ANKS1A: variants seen among roughly 807,000 people sequenced by gnomAD.
ANKS1A encodes ankyrin repeat and SAM domain-containing protein 1A.
ANKS1A carries 55 observed loss-of-function variants against 120.3 expected under a neutral mutation model. That is an observed-to-expected ratio of 0.46 (90% CI 0.37 to 0.57). The LOEUF (loss-of-function observed/expected upper bound fraction) is 0.57. Ranked by LOEUF, ANKS1A falls within the 20% of genes least tolerant of loss-of-function variation. The pLI is 0.00. For missense variants in ANKS1A, 1,123 were observed against 1,480.3 expected, an observed-to-expected ratio of 0.76 and a Z score of 3.96; for synonymous variants, 590 against 604.7, an observed-to-expected ratio of 0.98 and a Z score of 0.36.
chr6:34,938,557 C>T (rs1769369950), intron 1 of ANKS1A, among the ~76,000 whole-genome samples: 1 of 152,220 alleles, frequency 6.6e-6, no homozygotes, highest in South Asian at 2.1e-4. Flanking sequence ...CCCCAAGAAG[C>T]CTATTTTGGT....
At chr6:34,900,646 CTG>C (rs1767302391) in intron 1 of ANKS1A, among the ~76,000 whole-genome samples, 1 of 152,108 alleles carries the variant, frequency 6.6e-6, no homozygotes, top group East Asian at 1.9e-4. Flanking sequence ...GGTGAGGAAA[CTG>C]AAACACAGAG....
At chr6:35,077,024 TG>T (rs1295433120) in intron 13 of ANKS1A, among the ~76,000 whole-genome samples, 1 of 152,162 alleles carries the variant, frequency 6.6e-6, no homozygotes, top group Non-Finnish European at 1.5e-5. Context: ...CGTGGAAAGA[TG>T]CTCATCCTCA....
At chr6:34,900,372 C>T (rs1767286794) in intron 1 of ANKS1A, among the ~76,000 whole-genome samples, 1 of 152,038 alleles carries the variant, frequency 6.6e-6, no homozygotes. Flanking sequence ...TTAATAGTTG[C>T]TTTTATACCA....
chr6:34,975,834 T>A (rs1771546935), intron 3 of ANKS1A, among the ~76,000 whole-genome samples: 1 of 151,864 alleles, frequency 6.6e-6, no homozygotes, highest in Admixed American at 6.6e-5. Context: ...CTTCTTGAGC[T>A]GATTCAAATC....
intron 13 of ANKS1A, among the ~76,000 whole-genome samples, chr6:35,062,253 C>T (rs950215943): frequency 2.6e-5 from 4 of 152,224 alleles, no homozygotes. Context: ...GAACGTCGAG[C>T]ACCCCTCGGG....
chr6:34,969,611 G>T (rs1280640435), intron 2 of ANKS1A, among the ~76,000 whole-genome samples: 1 of 152,176 alleles, frequency 6.6e-6, no homozygotes, highest in Non-Finnish European at 1.5e-5. Context: ...ATCACTAAAT[G>T]CTCTGAATAA....
In ANKS1A at chr6:34,989,247, A is replaced by G. The variant is rs759896448; in HGVS notation, c.1233A>G (p.Ala411=). 1.9e-6 allele frequency: 3 copies of G among 1,614,106 alleles called. No individual in the cohort carries two copies. The highest frequency in any genetic ancestry group is 2.5e-6 in the Non-Finnish European group (3 of 1,179,960). ...VRPRERPPPP[A]KPPPDEEEED... ...AGAGGGAACGTCCACCACCTCCAGC[A>G]AAGCCACCGCCCGATGAAGAGGAAG... Residue 411 remains alanine, a synonymous_variant, in exon 9 of 24, where the codon GCA becomes GCG. Transcript: ENST00000360359.
chr6:34,902,239 C>CT (rs1183923739), intron 1 of ANKS1A, among the ~76,000 whole-genome samples: 3 of 151,870 alleles, frequency 2.0e-5, no homozygotes, highest in Non-Finnish European at 4.4e-5. Flanking sequence ...TTAAGTTTTT[C>CT]TTTTTTGTTT....
chr6:34,945,006 G>A (rs745961854), intron 1 of ANKS1A, among the ~76,000 whole-genome samples: 16 of 152,016 alleles, frequency 1.1e-4, no homozygotes, highest in Non-Finnish European at 1.9e-4. Context: ...AGTTCACCTA[G>A]GTTTTCTCCT....
At position 35,088,983 on chromosome 6, in the gene ANKS1A, CA is replaced by C; in HGVS notation, c.*375del. ...AGACAAATGGCCATGGGGCAGAGGA[CA>C]GGGGAGCTGAGGTTGGTTCAGAGGC... On this transcript the variant is annotated 3_prime_UTR_variant, in exon 24 of 24. Transcript: ENST00000360359. 2 of 1,199,386 alleles carry C rather than the reference CA, an allele frequency of 1.7e-6. No individual in the cohort carries two copies. Among genetic ancestry groups the C allele is most frequent in the Non-Finnish European group, 2.1e-6 (2 of 954,322 alleles). The allele number at this position is 1,199,386 out of a possible 1,614,324, so 74.3% of individuals were successfully genotyped here.
chr6:35,063,209 C>T (rs957650952), intron 13 of ANKS1A, among the ~76,000 whole-genome samples: 9 of 152,358 alleles, frequency 5.9e-5, no homozygotes, highest in Admixed American at 5.9e-4. Flanking sequence ...CACACATCTG[C>T]CAGCCAGCCA....
chr6:34,973,410 A>C (rs1302930715), intron 3 of ANKS1A, among the ~76,000 whole-genome samples: 1 of 152,208 alleles, frequency 6.6e-6, no homozygotes, highest in East Asian at 1.9e-4. Context: ...TCTGCCCCTC[A>C]GCCTTTACCA....
intron 1 of ANKS1A, among the ~76,000 whole-genome samples, chr6:34,899,224 T>A (rs1767233725): frequency 6.6e-6 from 1 of 152,242 alleles, no homozygotes; most frequent in African/African-American, 2.4e-5. Context: ...GTAACCTTTG[T>A]GCAAGCCCAG....
chr6:34,977,871 TAA>T (rs1427050454), intron 3 of ANKS1A, among the ~76,000 whole-genome samples: 2 of 152,102 alleles, frequency 1.3e-5, no homozygotes, highest in East Asian at 1.9e-4. Flanking sequence ...CAACAAGGGG[TAA>T]GTGTGCAGTT....
chr6:34,919,225 A>G (rs372701322), intron 1 of ANKS1A, among the ~76,000 whole-genome samples: 7 of 152,332 alleles, frequency 4.6e-5, no homozygotes, highest in South Asian at 2.1e-4. Context: ...TTGTAGTTCA[A>G]AAAGCTGGAA....
At chr6:34,957,660 T>G (rs1405879733) in intron 1 of ANKS1A, among the ~76,000 whole-genome samples, 1 of 152,202 alleles carries the variant, frequency 6.6e-6, no homozygotes, top group Non-Finnish European at 1.5e-5. Flanking sequence ...AGTTTATTGC[T>G]CCCTCTTTAC....
chr6:34,890,972 G>A (rs1371474558), intron 1 of ANKS1A, among the ~76,000 whole-genome samples: 1 of 152,140 alleles, frequency 6.6e-6, no homozygotes, highest in Non-Finnish European at 1.5e-5. Context: ...ATATAAGTAG[G>A]TACTTAAGAT....
intron 7 of ANKS1A, 39 bp from the exon 8 acceptor site, chr6:34,985,043 C>A: frequency 6.3e-7 from 1 of 1,580,522 alleles, no homozygotes; most frequent in Non-Finnish European, 8.6e-7. Context: ...AGATTCTGCT[C>A]CCCTTCAGTG....
rs1455556797 is a variant in ANKS1A at position 35,043,703 on chromosome 6, T to G, written c.2011-10396T>G. On this transcript the variant is annotated intron_variant, in intron 11 of 23. Transcript: ENST00000360359. ...ATTTTTTAAAAAGAATCAAACAATT[T>G]AACCCCAATGGATAGATGTGCACCC... 2.0e-5 allele frequency among the ~76,000 whole-genome samples: 3 copies of G among 152,238 alleles called. 1 individual carries two copies. The highest frequency in any genetic ancestry group is 7.2e-5 in the African/African-American group (3 of 41,468).
Sources: gnomAD v4.1 joint callset for allele counts (sites outside exome capture counted in the v4.1 genomes callset) on GRCh38, gnomAD v4.1.1 for gene constraint, MANE v1.5 for transcripts, NCBI Gene and HGNC (gene_info 2026-07-23, HGNC 2026-07-21) for gene names.